The following ITPR2 variants were observed in gnomAD, a reference collection of about 807,000 sequenced individuals.
ITPR2 encodes inositol 1,4,5-trisphosphate receptor type 2, also known as inositol 1,4,5-trisphosphate-gated calcium channel ITPR2.
In ITPR2, 207 loss-of-function variants were observed where a neutral mutation model predicts 317.1. The ratio of observed to expected loss-of-function variants is 0.65; its 90% CI spans 0.58 to 0.73. The LOEUF is 0.73. ITPR2 is among the 30% of genes least tolerant of loss of function. ITPR2 has a pLI of 0.00. For synonymous variants in ITPR2, 1,156 were observed against 1,149.1 expected (o/e 1.01, Z -0.12); for missense variants, 2,613 against 3,284.0 (o/e 0.80, Z 4.99).
At chr12:26,639,080 G>T (rs559053954) in intron 21 of ITPR2, among the ~76,000 whole-genome samples, 1 of 152,274 alleles carries the variant, frequency 6.6e-6, no homozygotes, top group Admixed American at 6.5e-5. Context: ...TGATAAATTA[G>T]ATTGAGTCAT....
chr12:26,371,613 A>T (rs1939192487), intron 55 of ITPR2, among the ~76,000 whole-genome samples: 1 of 152,232 alleles, frequency 6.6e-6, no homozygotes, highest in Admixed American at 6.5e-5. Context: ...TAAGCATTCC[A>T]GGTGAAGGGA....
intron 45 of ITPR2, among the ~76,000 whole-genome samples, chr12:26,469,231 C>T (rs1942243858): frequency 6.6e-6 from 1 of 152,202 alleles, no homozygotes; most frequent in African/African-American, 2.4e-5. Flanking sequence ...CAATGCCTGA[C>T]ATAAGAGGTG....
intron 55 of ITPR2, among the ~76,000 whole-genome samples, chr12:26,342,498 G>GGC (rs1938156945): frequency 6.0e-4 from 6 of 10,060 alleles, no homozygotes; most frequent in African/African-American, 1.5e-3. Flanking sequence ...TCACGGCGGT[G>GGC]GGGGGGGGGG....
intron 38 of ITPR2, 77 bp from the exon 39 acceptor site, chr12:26,494,417 T>G: frequency 1.1e-6 from 1 of 876,968 alleles, no homozygotes; most frequent in Non-Finnish European, 1.6e-6. Context: ...ATTCTTAAAT[T>G]TTATTATTTT....
chr12:26,585,854 C>T (rs181573139), intron 32 of ITPR2, among the ~76,000 whole-genome samples: 16 of 152,318 alleles, frequency 1.1e-4, no homozygotes, highest in South Asian at 4.1e-4. Context: ...CAAATACATA[C>T]GCTGAACCAT....
intron 19 of ITPR2, 26 bp from the exon 20 acceptor site, chr12:26,655,878 C>G (rs769891010): frequency 1.9e-6 from 3 of 1,586,566 alleles, no homozygotes; most frequent in Non-Finnish European, 2.6e-6. Flanking sequence ...GAAGATAACG[C>G]AAGTTAAACT....
chr12:26,454,043 G>A (rs1400637406), intron 45 of ITPR2, among the ~76,000 whole-genome samples: 1 of 152,046 alleles, frequency 6.6e-6, no homozygotes, highest in Non-Finnish European at 1.5e-5. Context: ...TGGATGGATG[G>A]ACGGATGGAT....
intron 37 of ITPR2, among the ~76,000 whole-genome samples, chr12:26,509,958 T>TGTGTG (rs1943288151): frequency 5.6e-5 from 3 of 53,196 alleles, no homozygotes; most frequent in Admixed American, 2.2e-4. Context: ...GATAAGGGTT[T>TGTGTG]TGTGTGTGTG....
chr12:26,517,844 A>C (rs1323478155), intron 37 of ITPR2, among the ~76,000 whole-genome samples: 1 of 152,178 alleles, frequency 6.6e-6, no homozygotes, highest in Non-Finnish European at 1.5e-5. Flanking sequence ...TATCAAACAA[A>C]ACAAAACAAA....
intron 37 of ITPR2, among the ~76,000 whole-genome samples, chr12:26,534,715 T>C (rs1944039441): frequency 6.6e-6 from 1 of 152,246 alleles, no homozygotes; most frequent in African/African-American, 2.4e-5. Flanking sequence ...CATTTCAGTT[T>C]AAATGTTGAA....
intron 2 of ITPR2, among the ~76,000 whole-genome samples, chr12:26,761,076 C>T (rs1949622656): frequency 6.6e-6 from 1 of 152,112 alleles, no homozygotes; most frequent in South Asian, 2.1e-4. Flanking sequence ...CAGGCCAGGC[C>T]CATGGTTACA....
chr12:26,493,273 A>G (rs1942852725), intron 39 of ITPR2, among the ~76,000 whole-genome samples: 1 of 152,158 alleles, frequency 6.6e-6, no homozygotes, highest in Non-Finnish European at 1.5e-5. Flanking sequence ...TAATGTTCCT[A>G]TTGTTCAATG....
intron 37 of ITPR2, among the ~76,000 whole-genome samples, chr12:26,532,996 C>A (rs983510136): frequency 1.3e-5 from 2 of 152,036 alleles, no homozygotes; most frequent in Admixed American, 6.6e-5. Flanking sequence ...CAGAATAATT[C>A]TTTAATTTAA....
intron 8 of ITPR2, among the ~76,000 whole-genome samples, chr12:26,712,634 TACACAC>T (rs67872654): frequency 0.019 from 2,765 of 148,992 alleles, 66 homozygotes; most frequent in African/African-American, 0.057. Context: ...TTGTCTCAAA[TACACAC>T]ACACACACAC....
At chr12:26,461,949 G>C (rs1404173102) in intron 45 of ITPR2, among the ~76,000 whole-genome samples, 2 of 145,466 alleles carry the variant, frequency 1.4e-5, no homozygotes, top group Non-Finnish European at 3.0e-5. Context: ...TCCGAAGCCT[G>C]ACTTTTTTTT....
At chr12:26,810,541 G>A (rs1401981362) in intron 1 of ITPR2, among the ~76,000 whole-genome samples, 3 of 152,160 alleles carry the variant, frequency 2.0e-5, no homozygotes, top group Non-Finnish European at 4.4e-5. Flanking sequence ...CAAGAACTTG[G>A]CAGTCCAGGG....
chr12:26,724,792 G>A (rs554335662), intron 3 of ITPR2, 50 bp from the exon 4 acceptor site: 12 of 1,345,362 alleles, frequency 8.9e-6, no homozygotes, highest in African/African-American at 2.9e-5. Flanking sequence ...TAAACAGAGT[G>A]TAATAACTGA....
intron 27 of ITPR2, 45 bp from the exon 28 acceptor site, chr12:26,602,540 A>G (rs761307749): frequency 1.3e-6 from 2 of 1,574,508 alleles, no homozygotes; most frequent in South Asian, 1.2e-5. Context: ...AAATAACAAT[A>G]TTAAGTATAA....
chr12:26,438,476 T>G (rs1326917219), intron 47 of ITPR2, among the ~76,000 whole-genome samples: 1 of 152,214 alleles, frequency 6.6e-6, no homozygotes, highest in Non-Finnish European at 1.5e-5. Flanking sequence ...ACTCATGAGA[T>G]CCCTTATTTT....
Sources: gnomAD v4.1 joint callset for allele counts (sites outside exome capture counted in the v4.1 genomes callset) on GRCh38, gnomAD v4.1.1 for gene constraint, MANE v1.5 for transcripts, NCBI Gene and HGNC (gene_info 2026-07-23, HGNC 2026-07-21) for gene names.